CACNG6: variants seen among roughly 807,000 people sequenced by gnomAD.
CACNG6 encodes voltage-dependent calcium channel gamma-6 subunit.
In CACNG6, 21 loss-of-function variants were observed where a neutral mutation model predicts 23.9. The ratio of observed to expected loss-of-function variants is 0.88; its 90% CI spans 0.62 to 1.26. The LOEUF is 1.26. CACNG6 is among the 50% of genes most tolerant of loss of function. The pLI, the probability that CACNG6 is intolerant of heterozygous loss-of-function variation, is 0.00. For synonymous variants in CACNG6, 182 were observed against 168.9 expected (o/e 1.08, Z -0.60); for missense variants, 340 against 352.9 (o/e 0.96, Z 0.29).
At chr19:54,006,067 G>C (rs2069640414) in intron 3 of CACNG6, among the ~76,000 whole-genome samples, 1 of 112,216 alleles carries the variant, frequency 8.9e-6, no homozygotes, top group African/African-American at 2.8e-5. Context: ...TCCATCCTGG[G>C]TGACAGAGCA....
intron 1 of CACNG6, among the ~76,000 whole-genome samples, chr19:53,995,914 G>C (rs892099045): frequency 4.6e-5 from 7 of 152,102 alleles, no homozygotes; most frequent in African/African-American, 1.7e-4. Context: ...TGCCCGCCTC[G>C]GCCTCCCAAA....
chr19:53,993,156 GGCGGACGT>G lies in CACNG6; in HGVS notation c.282_289del (p.Asp95ArgfsTer21). The G allele has an allele frequency of 6.5e-7, 1 of 1,545,724 alleles. No individual in the cohort carries two copies. Among genetic ancestry groups the G allele is most frequent in the South Asian group, 1.2e-5 (1 of 83,984 alleles). On this transcript the variant is annotated frameshift_variant, in exon 1 of 4. Transcript: ENST00000252729. LOFTEE classifies it high-confidence loss of function. ...AGGCGTGCACCAAGCGGCTGTGGCA[GGCGGACGT>G]GCCCGTGGACAGGGACACCTGCGGC... is the stretch of plus-strand genomic sequence containing the variant.
At chr19:53,996,924 A>C (rs1381404349) in intron 1 of CACNG6, among the ~76,000 whole-genome samples, 1 of 131,046 alleles carries the variant, frequency 7.6e-6, no homozygotes, top group African/African-American at 3.1e-5. Context: ...GCTGGAGTGC[A>C]GTAGTACAAT....
In CACNG6 at chr19:54,010,036, C is replaced by CTTTTTT. The variant is rs199976621; in HGVS notation, c.545-1912_545-1911insTTTTTT. Among the ~76,000 whole-genome samples the CTTTTTT allele has an allele frequency of 2.0e-3, 191 of 97,900 alleles. 2 individuals are homozygous for CTTTTTT. Among genetic ancestry groups the CTTTTTT allele is most frequent in the African/African-American group, 5.6e-3 (140 of 25,032 alleles). The allele number at this position is 97,900 out of a possible 152,430, so 64.2% of individuals were successfully genotyped here. On this transcript the variant is annotated intron_variant, in intron 3 of 3. Transcript: ENST00000252729. ...AACTTGCATGGAGACTATTTCTTTT[C>CTTTTTT]TTTCTTTTTTTTTTTTTTTTGTTGC... is the stretch of plus-strand genomic sequence containing the variant.
At position 54,012,274 on chromosome 19, in the gene CACNG6, TAG is replaced by T. The variant is rs1331349800; in HGVS notation, c.*89_*90del. Reference sequence around the variant, plus strand: ...CCCAAGATCTTTTTGCCCCATCTCCTAGAGAAACTGTGTTCTCCCTGCTCGGG... The same window carrying T: ...CCCAAGATCTTTTTGCCCCATCTCCTAGAAACTGTGTTCTCCCTGCTCGGG... On this transcript the variant is annotated 3_prime_UTR_variant, in exon 4 of 4. Coordinates refer to ENST00000252729, the MANE Select transcript of CACNG6 (RefSeq NM_145814.2). The T allele has an allele frequency of 6.9e-6, 4 of 583,656 alleles. No homozygotes were observed. The highest frequency in any genetic ancestry group is 2.8e-6 in the Non-Finnish European group (1 of 358,128). The allele number at this position is 583,656 out of a possible 1,614,324, so 36.2% of individuals were successfully genotyped here. A position where few individuals can be genotyped will look rare whatever the true frequency, so the allele number is the denominator to read the frequency against.
chr19:54,003,499 T>C (rs2145961208), intron 3 of CACNG6, among the ~76,000 whole-genome samples: 1 of 152,190 alleles, frequency 6.6e-6, no homozygotes, highest in East Asian at 1.9e-4. Flanking sequence ...TAGCTGGGAT[T>C]ACAGGTGCCT....
intron 1 of CACNG6, among the ~76,000 whole-genome samples, chr19:53,994,445 G>C (rs911364464): frequency 6.6e-6 from 1 of 152,006 alleles, no homozygotes; most frequent in African/African-American, 2.4e-5. Flanking sequence ...ATACCTCCCT[G>C]ACACGCCACG....
chr19:53,993,508 TCTGTGCCCCCAGGC>T, intron 1 of CACNG6, among the ~76,000 whole-genome samples: 1 of 151,680 alleles, frequency 6.6e-6, no homozygotes, highest in South Asian at 2.1e-4. Flanking sequence ...CTACAGGGAG[TCTGTGCCCCCAGGC>T]CATCCTGTAC....
intron 1 of CACNG6, 78 bp from the exon 2 acceptor site, chr19:53,998,161 G>T: frequency 7.9e-7 from 1 of 1,269,544 alleles, no homozygotes; most frequent in Non-Finnish European, 1.1e-6. Flanking sequence ...GCTCCCGTGG[G>T]CTGTTAACTG....
intron 3 of CACNG6, among the ~76,000 whole-genome samples, chr19:54,002,890 A>G (rs1600059322): frequency 6.6e-6 from 1 of 152,286 alleles, no homozygotes; most frequent in Non-Finnish European, 1.5e-5. Flanking sequence ...TTCTCTCCTT[A>G]TAATACATAT....
intron 2 of CACNG6, among the ~76,000 whole-genome samples, chr19:53,998,722 G>A (rs545657864): frequency 4.9e-4 from 74 of 152,064 alleles, no homozygotes; most frequent in Admixed American, 7.2e-4. Context: ...ATGTTGACCA[G>A]GCTGGTCTTG....
Position 54,003,853 on chromosome 19 carries a change from A to G in CACNG6, c.544+4082A>G, listed in dbSNP as rs543995379. On this transcript the variant is annotated intron_variant, in intron 3 of 3. Transcript: ENST00000252729. ...ACAGAGCAGCTAGAGTGATACTTCT[A>G]TTTTTTTAATTTTAAATTTTTTAAG... 2.5e-4 allele frequency among the ~76,000 whole-genome samples: 38 copies of G among 151,752 alleles called. No individual in the cohort carries two copies. In the South Asian group the frequency reaches 3.1e-3, roughly 12 times the overall value.
chr19:53,999,110 C>T (rs568826854), intron 2 of CACNG6, among the ~76,000 whole-genome samples: 3 of 152,258 alleles, frequency 2.0e-5, no homozygotes, highest in Admixed American at 2.0e-4. Context: ...AAGTGATCCA[C>T]CCACCTTGGC....
At chr19:54,011,881 G>T (rs1485342394) in intron 3 of CACNG6, 70 bp from the exon 4 acceptor site, 2 of 1,150,368 alleles carry the variant, frequency 1.7e-6, no homozygotes, top group African/African-American at 3.2e-5. Context: ...GGCTGGGAGC[G>T]GATGGCGGAG....
intron 3 of CACNG6, among the ~76,000 whole-genome samples, chr19:54,005,690 T>A (rs550719520): frequency 6.7e-6 from 1 of 149,234 alleles, no homozygotes; most frequent in African/African-American, 2.5e-5. Context: ...GAGGTGGAGA[T>A]TGCAGTGAGC....
At chr19:53,998,710 C>G (rs997338321) in intron 2 of CACNG6, among the ~76,000 whole-genome samples, 7 of 152,038 alleles carry the variant, frequency 4.6e-5, no homozygotes, top group African/African-American at 1.7e-4. Context: ...TGGGGTTTCA[C>G]CATGTTGACC....
intron 3 of CACNG6, among the ~76,000 whole-genome samples, chr19:54,005,690 T>C (rs550719520): frequency 9.4e-5 from 14 of 149,350 alleles, no homozygotes; most frequent in African/African-American, 3.0e-4. Flanking sequence ...GAGGTGGAGA[T>C]TGCAGTGAGC....
At chr19:53,996,861 G>A (rs1382818975) in intron 1 of CACNG6, among the ~76,000 whole-genome samples, 2 of 144,628 alleles carry the variant, frequency 1.4e-5, no homozygotes, top group Admixed American at 1.4e-4. Flanking sequence ...CTGATCTTTG[G>A]GATTTTTTTT....
At chr19:54,009,783 TAAAA>T (rs34786973) in intron 3 of CACNG6, among the ~76,000 whole-genome samples, 3 of 147,424 alleles carry the variant, frequency 2.0e-5, no homozygotes, top group African/African-American at 7.5e-5. Flanking sequence ...TTGCTTTTTT[TAAAA>T]AAAAAAAATC....
Sources: allele counts gnomAD v4.1 joint callset (sites outside exome capture counted in the v4.1 genomes callset), GRCh38; gene constraint gnomAD v4.1.1; transcripts MANE v1.5; gene names NCBI Gene and HGNC (gene_info 2026-07-23, HGNC 2026-07-21).